The following REC114 variants were observed in gnomAD, a reference collection of about 807,000 sequenced individuals.
The protein encoded by REC114 is meiotic recombination protein REC114.
Under a neutral mutation model 31.3 loss-of-function variants are expected in REC114, and 27 were observed. The ratio of observed to expected loss-of-function variants is 0.86; its 90% CI spans 0.64 to 1.19. The LOEUF (loss-of-function observed/expected upper bound fraction) is 1.19, where lower values mean the gene tolerates loss of function less well. REC114 is among the 50% of genes most tolerant of loss of function. The probability of loss-of-function intolerance (pLI) is 0.00; values close to 1 mark genes in which losing one functional copy is unlikely to be tolerated. For synonymous variants in REC114, 134 were observed against 127.7 expected, an observed-to-expected ratio of 1.05 and a Z score of -0.33; for missense variants, 344 against 326.9, an observed-to-expected ratio of 1.05 and a Z score of -0.40.
intron 1 of REC114, among the ~76,000 whole-genome samples, chr15:73,468,203 A>G (rs988528696): frequency 1.3e-5 from 2 of 152,214 alleles, no homozygotes; most frequent in African/African-American, 4.8e-5. Context: ...CTATTACAGC[A>G]TTTTAATAAT....
rs1595886307 is a variant in REC114 at position 73,559,844 on chromosome 15, G to A, written c.729G>A (p.Met243Ile). 1 of 1,612,540 alleles carries A rather than the reference G, an allele frequency of 6.2e-7. No homozygotes were observed. Among genetic ancestry groups the A allele is most frequent in the African/African-American group, 1.3e-5 (1 of 74,930 alleles). Reference sequence around the variant, plus strand: ...GCCCCTTCCTACGTTTGTGCCTTATGGATCAGAATTTCCCAGCATTTGTGG... The same window carrying A: ...GCCCCTTCCTACGTTTGTGCCTTATAGATCAGAATTTCCCAGCATTTGTGG... ...ELGPFLRLCL[M>I]DQNFPAFVEE... Residue 243 changes from methionine (M) to isoleucine (I), a missense_variant, in exon 6 of 6, where the codon ATG (methionine) becomes ATA (isoleucine). Met to Ile is a conservative substitution (Grantham distance 10). Coordinates refer to ENST00000331090, the MANE Select transcript of REC114 (RefSeq NM_001042367.2).
intron 2 of REC114, among the ~76,000 whole-genome samples, chr15:73,538,474 T>TC (rs1491548606): frequency 5.0e-5 from 7 of 138,764 alleles, no homozygotes; most frequent in African/African-American, 2.0e-4. Context: ...TTTTTTTTTT[T>TC]GAGACAGAGG....
In REC114 at chr15:73,477,656, G is replaced by C. The variant is rs549376120; in HGVS notation, c.249+3735G>C. 2.6e-5 allele frequency among the ~76,000 whole-genome samples: 4 copies of C among 152,176 alleles called. No individual in the cohort carries two copies. The South Asian group carries it at 8.3e-4, about 32-fold the overall frequency. On this transcript the variant is annotated intron_variant, in intron 2 of 5. Coordinates refer to ENST00000331090, the MANE Select transcript of REC114 (RefSeq NM_001042367.2). ...TGCTCTCAAACTCCTGGACTCAGGC[G>C]ATCCTCTCACCTCAGCTTCCCAAAG...
chr15:73,495,733 T>G (rs17765500), intron 2 of REC114, among the ~76,000 whole-genome samples: 2,325 of 152,248 alleles, frequency 0.015, 34 homozygotes, highest in Non-Finnish European at 0.025. Context: ...AGTATTCAAT[T>G]AAGTCTGTAC....
chr15:73,490,961 C>A (rs1368784576), intron 2 of REC114, among the ~76,000 whole-genome samples: 4 of 152,092 alleles, frequency 2.6e-5, no homozygotes, highest in Non-Finnish European at 5.9e-5. Flanking sequence ...TTGTGTCTAG[C>A]TTCTTTAATT....
intron 1 of REC114, among the ~76,000 whole-genome samples, chr15:73,449,471 A>G (rs1211182911): frequency 6.6e-6 from 1 of 152,196 alleles, no homozygotes; most frequent in Non-Finnish European, 1.5e-5. Context: ...AAACGAACAA[A>G]GCCTCCAAGA....
chr15:73,456,845 C>T (rs1177952027), intron 1 of REC114, among the ~76,000 whole-genome samples: 1 of 152,012 alleles, frequency 6.6e-6, no homozygotes, highest in African/African-American at 2.4e-5. Flanking sequence ...CTGTTAATAT[C>T]TTATATGGAA....
At chr15:73,520,571 A>G (rs1483386488) in intron 2 of REC114, among the ~76,000 whole-genome samples, 3 of 152,068 alleles carry the variant, frequency 2.0e-5, no homozygotes, top group African/African-American at 7.2e-5. Context: ...TCCAAAGGCA[A>G]GGGGTTTTCA....
intron 2 of REC114, among the ~76,000 whole-genome samples, chr15:73,502,494 T>C (rs1893616495): frequency 6.6e-6 from 1 of 152,214 alleles, no homozygotes; most frequent in Non-Finnish European, 1.5e-5. Context: ...TGTATTCTTA[T>C]GATAAATTAA....
At chr15:73,556,947 G>C (rs1367459359) in intron 5 of REC114, among the ~76,000 whole-genome samples, 1 of 151,972 alleles carries the variant, frequency 6.6e-6, no homozygotes, top group Non-Finnish European at 1.5e-5. Context: ...CACTCTCCTG[G>C]GAGCTCTGCA....
Position 73,488,202 on chromosome 15 carries a change from A to G in REC114, c.249+14281A>G, listed in dbSNP as rs553651069. ...CTCAAGGCTCTGGCATTGTGGACCT[A>G]TGATGGGTGTGGTAGCCTCAAAGTT... On this transcript the variant is annotated intron_variant, in intron 2 of 5. Transcript: ENST00000331090. 1.2e-4 allele frequency among the ~76,000 whole-genome samples: 19 copies of G among 152,356 alleles called. No homozygotes were observed. The South Asian group carries it at 1.5e-3, about 12-fold the overall frequency.
At chr15:73,485,682 G>A (rs1018146217) in intron 2 of REC114, among the ~76,000 whole-genome samples, 3 of 152,142 alleles carry the variant, frequency 2.0e-5, no homozygotes, top group Admixed American at 6.5e-5. Flanking sequence ...TAAGCTCCCA[G>A]AGGCCTCCCC....
At chr15:73,547,798 T>G (rs567262453) in intron 3 of REC114, among the ~76,000 whole-genome samples, 1 of 152,284 alleles carries the variant, frequency 6.6e-6, no homozygotes, top group South Asian at 2.1e-4. Context: ...GAGACTTAAA[T>G]GTAAAACCAA....
chr15:73,554,136 G>A (rs1377515878), intron 4 of REC114, among the ~76,000 whole-genome samples: 1 of 152,184 alleles, frequency 6.6e-6, no homozygotes, highest in African/African-American at 2.4e-5. Flanking sequence ...AACCTCCAGA[G>A]CCAAGAGAGG....
At chr15:73,505,421 T>C (rs894273087) in intron 2 of REC114, among the ~76,000 whole-genome samples, 34 of 152,214 alleles carry the variant, frequency 2.2e-4, no homozygotes, top group African/African-American at 8.2e-4. Context: ...TATGTAGATT[T>C]TTCTACGCAT....
At chr15:73,510,750 G>T (rs1893752174) in intron 2 of REC114, among the ~76,000 whole-genome samples, 1 of 146,814 alleles carries the variant, frequency 6.8e-6, no homozygotes, top group Non-Finnish European at 1.5e-5. Context: ...TACATTTATT[G>T]ATTTGCGTAT....
At chr15:73,549,113 T>C (rs1307923083) in intron 3 of REC114, among the ~76,000 whole-genome samples, 2 of 151,724 alleles carry the variant, frequency 1.3e-5, no homozygotes, top group African/African-American at 2.4e-5. Flanking sequence ...TACAACAAAC[T>C]CCCATGACAC....
At chr15:73,537,471 C>T (rs1309302922) in intron 2 of REC114, among the ~76,000 whole-genome samples, 1 of 150,182 alleles carries the variant, frequency 6.7e-6, no homozygotes, top group Non-Finnish European at 1.5e-5. Flanking sequence ...GAGTTCATGC[C>T]ATATTGTAGT....
chr15:73,557,865 T>A (rs1894494070), intron 5 of REC114, among the ~76,000 whole-genome samples: 2 of 152,250 alleles, frequency 1.3e-5, no homozygotes, highest in African/African-American at 4.8e-5. Context: ...GTAAAACCTT[T>A]TGGAAGGCAA....
Sources: allele counts gnomAD v4.1 joint callset (sites outside exome capture counted in the v4.1 genomes callset), GRCh38; gene constraint gnomAD v4.1.1; transcripts MANE v1.5; gene names NCBI Gene and HGNC (gene_info 2026-07-23, HGNC 2026-07-21).